The following SUMF1 variants were observed in gnomAD, a reference collection of about 807,000 sequenced individuals.
SUMF1 encodes sulfatase modifying factor 1, also known as formylglycine-generating enzyme.
In SUMF1, 48 loss-of-function variants were observed where a neutral mutation model predicts 47.6. The ratio of observed to expected loss-of-function variants is 1.01; its 90% CI spans 0.80 to 1.28. SUMF1 has a LOEUF of 1.28. Among genes scored for constraint, SUMF1 ranks in the 50% most tolerant of loss-of-function variants. The probability of loss-of-function intolerance (pLI) is 0.00; values close to 1 mark genes in which losing one functional copy is unlikely to be tolerated. For synonymous variants in SUMF1, 230 were observed against 192.1 expected, an observed-to-expected ratio of 1.20 and a Z score of -1.63; for missense variants, 571 against 485.4, an observed-to-expected ratio of 1.18 and a Z score of -1.66.
chr3:4,353,214 C>G (rs2125158681), intron 8 of SUMF1, among the ~76,000 whole-genome samples: 1 of 152,312 alleles, frequency 6.6e-6, no homozygotes, highest in Middle Eastern at 3.4e-3. Context: ...GCTTGGGCAA[C>G]ATAGTGAGAC....
At chr3:4,111,438 G>A (rs928197152) in intron 8 of SUMF1, among the ~76,000 whole-genome samples, 7 of 151,924 alleles carry the variant, frequency 4.6e-5, no homozygotes, top group South Asian at 4.2e-4. Flanking sequence ...TTTATTTCTC[G>A]GCCGGGCGCA....
chr3:4,213,925 C>T (rs1263510269), intron 8 of SUMF1, among the ~76,000 whole-genome samples: 1 of 152,086 alleles, frequency 6.6e-6, no homozygotes, highest in African/African-American at 2.4e-5. Context: ...TCTTAGAGAC[C>T]TACAAAGAGA....
intron 8 of SUMF1, among the ~76,000 whole-genome samples, chr3:4,072,815 C>T (rs1353773031): frequency 6.6e-6 from 1 of 152,062 alleles, no homozygotes; most frequent in East Asian, 1.9e-4. Context: ...AACAAAGCCT[C>T]CAAGAAATAT....
Position 4,047,663 on chromosome 3 carries a change from C to T in SUMF1, c.1191+20906G>A, listed in dbSNP as rs1380529040. Among the ~76,000 whole-genome samples, 4 of 152,100 alleles carry T rather than the reference C, an allele frequency of 2.6e-5. No individual in the cohort carries two copies. In the East Asian group the frequency reaches 7.7e-4, roughly 29 times the overall value. On this transcript the variant is annotated intron_variant and NMD_transcript_variant, in intron 9 of 12. Transcript: ENST00000448413. ...CTAAGGAGATGCACCTCATTAGGTA[C>T]TAAATGTTTAGTGACTGTCACTATT...
chr3:4,062,439 TTATCAAC>T (rs1695292653), intron 9 of SUMF1, among the ~76,000 whole-genome samples: 1 of 152,182 alleles, frequency 6.6e-6, no homozygotes, highest in South Asian at 2.1e-4. Flanking sequence ...CTTATTGTTA[TTATCAAC>T]TGTTGCTGCC....
At chr3:4,293,021 T>G (rs1361712893) in intron 8 of SUMF1, among the ~76,000 whole-genome samples, 1 of 152,130 alleles carries the variant, frequency 6.6e-6, no homozygotes, top group East Asian at 1.9e-4. Flanking sequence ...AGCAAAGATG[T>G]TTGAAAATAC....
chr3:4,368,814 C>G (rs1037362403), intron 8 of SUMF1, among the ~76,000 whole-genome samples: 10 of 152,130 alleles, frequency 6.6e-5, no homozygotes, highest in African/African-American at 2.4e-5. Flanking sequence ...CCAAAAATAA[C>G]CACGCTTGAA....
chr3:4,310,757 A>C (rs1426407910), intron 8 of SUMF1, among the ~76,000 whole-genome samples: 1 of 152,196 alleles, frequency 6.6e-6, no homozygotes, highest in Non-Finnish European at 1.5e-5. Flanking sequence ...AGTTGATTTT[A>C]AAAGAAGTTA....
chr3:4,148,560 T>G (rs1252308265), intron 8 of SUMF1, among the ~76,000 whole-genome samples: 1 of 152,190 alleles, frequency 6.6e-6, no homozygotes, highest in Non-Finnish European at 1.5e-5. Context: ...TGAGCAAAGT[T>G]TCCTGTGATG....
chr3:4,143,040 T>A (rs185158380), intron 8 of SUMF1, among the ~76,000 whole-genome samples: 103 of 152,162 alleles, frequency 6.8e-4, no homozygotes, highest in African/African-American at 2.4e-3. Flanking sequence ...GAGGTAAGTG[T>A]CCCGCTGCAA....
chr3:4,115,060 A>G (rs1157439119), intron 8 of SUMF1, among the ~76,000 whole-genome samples: 1 of 138,558 alleles, frequency 7.2e-6, no homozygotes, highest in African/African-American at 2.7e-5. Flanking sequence ...GGCCCACCAC[A>G]CCCGCCACTC....
chr3:4,129,984 G>A (rs1693747372), intron 8 of SUMF1, among the ~76,000 whole-genome samples: 1 of 152,058 alleles, frequency 6.6e-6, no homozygotes. Context: ...AGTAAGAAAG[G>A]CCAAATGGAA....
chr3:4,397,795 A>G (rs981929154), intron 7 of SUMF1, among the ~76,000 whole-genome samples: 2 of 152,114 alleles, frequency 1.3e-5, no homozygotes, highest in Non-Finnish European at 2.9e-5. Context: ...GTCCAAAAAA[A>G]TGTCTTCCAT....
intron 3 of SUMF1, among the ~76,000 whole-genome samples, chr3:4,439,862 A>T (rs1702522710): frequency 6.6e-6 from 1 of 152,094 alleles, no homozygotes; most frequent in Non-Finnish European, 1.5e-5. Flanking sequence ...CAAGAAAAAA[A>T]ACTCTTAAAG....
intron 8 of SUMF1, among the ~76,000 whole-genome samples, chr3:4,222,731 G>A (rs1239088272): frequency 2.0e-5 from 3 of 152,118 alleles, no homozygotes; most frequent in Non-Finnish European, 4.4e-5. Context: ...TGGAACAGAA[G>A]GAAAGGGTTC....
chr3:4,036,163 A>G (rs530140083), intron 9 of SUMF1, among the ~76,000 whole-genome samples: 7 of 152,232 alleles, frequency 4.6e-5, no homozygotes, highest in Non-Finnish European at 8.8e-5. Flanking sequence ...CATTTATCCC[A>G]GTGCCTATCT....
chr3:4,219,936 G>A (rs1180481669), intron 8 of SUMF1, among the ~76,000 whole-genome samples: 1 of 152,138 alleles, frequency 6.6e-6, no homozygotes, highest in African/African-American at 2.4e-5. Context: ...GTTATTTTAA[G>A]GTGATAAACT....
chr3:4,051,158 C>T (rs1431319357), intron 9 of SUMF1, among the ~76,000 whole-genome samples: 4 of 150,996 alleles, frequency 2.6e-5, no homozygotes, highest in African/African-American at 9.7e-5. Flanking sequence ...GAAAGGAAAG[C>T]AGTGGAAGAA....
chr3:4,154,551 T>G (rs1694409925), intron 8 of SUMF1, among the ~76,000 whole-genome samples: 1 of 151,524 alleles, frequency 6.6e-6, no homozygotes, highest in African/African-American at 2.4e-5. Context: ...ATGAGTTTCA[T>G]TGCCATTAAG....
Sources: allele counts gnomAD v4.1 joint callset (sites outside exome capture counted in the v4.1 genomes callset), GRCh38; gene constraint gnomAD v4.1.1; transcripts MANE v1.5; gene names NCBI Gene and HGNC (gene_info 2026-07-23, HGNC 2026-07-21).